Variants in ADARB2 observed in about 807,000 individuals in gnomAD.
ADARB2 encodes the protein adenosine deaminase RNA specific B2 (inactive).
A neutral mutation model predicts 62.2 loss-of-function variants in ADARB2; 25 were observed. That is an observed-to-expected ratio of 0.40 (90% CI 0.29 to 0.56). The LOEUF is 0.56. Among genes scored for constraint, ADARB2 ranks in the 20% least tolerant of loss-of-function variants. The pLI is 0.43. For missense variants in ADARB2, 1,071 were observed against 1,077.4 expected, an observed-to-expected ratio of 0.99 and a Z score of 0.08; for synonymous variants, 572 against 500.8, an observed-to-expected ratio of 1.14 and a Z score of -1.90.
chr10:1,243,618 G>T (rs1830948876), intron 4 of ADARB2, among the ~76,000 whole-genome samples: 1 of 152,352 alleles, frequency 6.6e-6, no homozygotes, highest in Admixed American at 6.5e-5. Context: ...AAAGGGTGGT[G>T]TCAGCAGCTA....
intron 7 of ADARB2, among the ~76,000 whole-genome samples, chr10:1,206,618 G>A (rs942419516): frequency 6.6e-6 from 1 of 152,216 alleles, no homozygotes; most frequent in African/African-American, 2.4e-5. Context: ...TTTTCACTCA[G>A]CCCGGGGACC....
intron 1 of ADARB2, among the ~76,000 whole-genome samples, chr10:1,593,686 T>TA (rs1455061786): frequency 1.3e-5 from 2 of 152,238 alleles, no homozygotes; most frequent in Non-Finnish European, 2.9e-5. Flanking sequence ...TGGTTTGTTT[T>TA]TGCTTATAAC....
chr10:1,696,608 T>C (rs1467786336), intron 1 of ADARB2, among the ~76,000 whole-genome samples: 1 of 152,332 alleles, frequency 6.6e-6, no homozygotes, highest in East Asian at 1.9e-4. Context: ...CTGCATCCTG[T>C]TGAACTCCCA....
At chr10:1,377,934 C>T (rs575433710) in intron 2 of ADARB2, among the ~76,000 whole-genome samples, 3 of 152,312 alleles carry the variant, frequency 2.0e-5, no homozygotes, top group Admixed American at 6.5e-5. Flanking sequence ...GCAAAGTACA[C>T]GGCTCCCCTT....
chr10:1,678,184 C>A (rs1390519949), intron 1 of ADARB2: 16 of 985,308 alleles, frequency 1.6e-5, no homozygotes, highest in Non-Finnish European at 1.8e-5. Flanking sequence ...ATGCCCAGGG[C>A]AATGCCACAG....
rs187990907 is a variant in ADARB2 at position 1,504,923 on chromosome 10, C to T, written c.101-125763G>A. 7.9e-5 allele frequency among the ~76,000 whole-genome samples: 12 copies of T among 152,080 alleles called. No individual in the cohort carries two copies. In the South Asian group the frequency reaches 1.7e-3, roughly 21 times the overall value. On this transcript the variant is annotated intron_variant, in intron 1 of 9. Coordinates refer to ENST00000381312, the MANE Select transcript of ADARB2 (RefSeq NM_018702.4). ...ATGCAAACACACACACATGCGTGTG[C>T]GTGCACACACACGTACATATACACA...
intron 1 of ADARB2, among the ~76,000 whole-genome samples, chr10:1,649,594 T>C (rs1021858358): frequency 1.3e-5 from 2 of 152,260 alleles, no homozygotes; most frequent in African/African-American, 4.8e-5. Context: ...GAAATTCTAA[T>C]TGGTTGATTG....
At chr10:1,504,627 G>C (rs145576017) in intron 1 of ADARB2, among the ~76,000 whole-genome samples, 1 of 152,170 alleles carries the variant, frequency 6.6e-6, no homozygotes, top group East Asian at 1.9e-4. Flanking sequence ...CTGACTACAC[G>C]GGTCAGTTGC....
chr10:1,379,868 C>T (rs1189540738), intron 1 of ADARB2, among the ~76,000 whole-genome samples: 1 of 152,188 alleles, frequency 6.6e-6, no homozygotes, highest in Non-Finnish European at 1.5e-5. Context: ...GGAAATAGAT[C>T]CAACCAGGAG....
At position 1,442,481 on chromosome 10, in the gene ADARB2, G is replaced by GA. The variant is rs1830918281; in HGVS notation, c.101-63322dup. On this transcript the variant is annotated intron_variant, in intron 1 of 9. Coordinates refer to ENST00000381312, the MANE Select transcript of ADARB2 (RefSeq NM_018702.4). The stretch of plus-strand genomic sequence containing the variant: ...GCCATGCTGTGCTTGAAGCCAAACT[G>GA]AAAAAACAAAAACATCCACACACAA... Among the ~76,000 whole-genome samples the GA allele has an allele frequency of 2.0e-5, 3 of 152,052 alleles. No individual in the cohort carries two copies. The South Asian group carries it at 6.2e-4, about 31-fold the overall frequency.
rs10508214 is a variant in ADARB2 at position 1,705,192 on chromosome 10, C to T, written c.100+31859G>A. 4.3e-3 allele frequency among the ~76,000 whole-genome samples: 655 copies of T among 152,322 alleles called. 7 individuals are homozygous for T. Among genetic ancestry groups the T allele is most frequent in the Middle Eastern group, 6.8e-3 (2 of 294 alleles). ...CCCTAAAGTCCTCTTGATCTAATGA[C>T]GAAACCACTTTGACACTTTGAGGAC... is the stretch of plus-strand genomic sequence containing the variant. On this transcript the variant is annotated intron_variant, in intron 1 of 9. Coordinates refer to ENST00000381312, the MANE Select transcript of ADARB2 (RefSeq NM_018702.4).
At chr10:1,523,500 G>A (rs954594445) in intron 1 of ADARB2, among the ~76,000 whole-genome samples, 7 of 152,172 alleles carry the variant, frequency 4.6e-5, no homozygotes, top group African/African-American at 1.4e-4. Context: ...TAAAGAACCT[G>A]CCAGAGGCTT....
At chr10:1,677,917 TA>T (rs1306485928) in intron 1 of ADARB2, among the ~76,000 whole-genome samples, 1 of 152,228 alleles carries the variant, frequency 6.6e-6, no homozygotes, top group Non-Finnish European at 1.5e-5. Context: ...ATGTATTTTG[TA>T]TTCAGTAAAT....
intron 3 of ADARB2, among the ~76,000 whole-genome samples, chr10:1,308,254 A>T (rs1831650074): frequency 6.6e-6 from 1 of 152,038 alleles, no homozygotes; most frequent in African/African-American, 2.4e-5. Context: ...TGTCCTGTAG[A>T]TGGAATCATA....
At chr10:1,728,130 A>G (rs1343784455) in intron 1 of ADARB2, among the ~76,000 whole-genome samples, 4 of 152,148 alleles carry the variant, frequency 2.6e-5, no homozygotes, top group Non-Finnish European at 4.4e-5. Context: ...CTTCACACCA[A>G]TGTGGTTGTT....
chr10:1,186,163 G>A (rs1412021218), intron 8 of ADARB2, among the ~76,000 whole-genome samples: 1 of 152,254 alleles, frequency 6.6e-6, no homozygotes, highest in South Asian at 2.1e-4. Flanking sequence ...CCCTCGGGGT[G>A]GGGAAGGCAT....
At chr10:1,322,736 C>T (rs1438432308) in intron 3 of ADARB2, among the ~76,000 whole-genome samples, 1 of 152,024 alleles carries the variant, frequency 6.6e-6, no homozygotes, top group African/African-American at 2.4e-5. Flanking sequence ...ATGTTATACT[C>T]GATACACTCT....
chr10:1,532,818 G>C (rs973431495), intron 1 of ADARB2, among the ~76,000 whole-genome samples: 5 of 152,190 alleles, frequency 3.3e-5, no homozygotes, highest in African/African-American at 1.2e-4. Flanking sequence ...TGAATGTGCA[G>C]GTGCCCGCAG....
At chr10:1,626,766 C>T (rs1460855974) in intron 1 of ADARB2, among the ~76,000 whole-genome samples, 1 of 152,200 alleles carries the variant, frequency 6.6e-6, no homozygotes, top group Non-Finnish European at 1.5e-5. Context: ...ACAAAGCAAC[C>T]CGCACGGTCT....
Sources: gnomAD v4.1 joint callset for allele counts (sites outside exome capture counted in the v4.1 genomes callset) on GRCh38, gnomAD v4.1.1 for gene constraint, MANE v1.5 for transcripts, NCBI Gene and HGNC (gene_info 2026-07-23, HGNC 2026-07-21) for gene names.